TTC28: variants seen among roughly 807,000 people sequenced by gnomAD.
The protein encoded by TTC28 is tetratricopeptide repeat domain 28, also known as tetratricopeptide repeat protein 28.
A neutral mutation model predicts 198.0 loss-of-function variants in TTC28; 61 were observed. The ratio of observed to expected loss-of-function variants is 0.31; its 90% CI spans 0.25 to 0.38. The LOEUF is 0.38. TTC28 is among the 10% of genes least tolerant of loss of function. TTC28 has a pLI of 1.00. For missense variants in TTC28, 2,678 were observed against 3,164.0 expected (o/e 0.85, Z 3.69); for synonymous variants, 1,171 against 1,297.8 (o/e 0.90, Z 2.10).
chr22:27,996,588 G>A (rs549659517), intron 16 of TTC28, among the ~76,000 whole-genome samples: 7 of 152,334 alleles, frequency 4.6e-5, no homozygotes, highest in South Asian at 2.1e-4. Context: ...AGGCCTTTAG[G>A]GGGGAACACG....
chr22:28,013,512 A>G (rs1195564145), intron 14 of TTC28, among the ~76,000 whole-genome samples: 1 of 152,224 alleles, frequency 6.6e-6, no homozygotes, highest in East Asian at 1.9e-4. Flanking sequence ...GGGTGTCTTT[A>G]ACGTTAGACT....
chr22:28,493,916 T>TA (rs2048414949), intron 2 of TTC28, among the ~76,000 whole-genome samples: 2 of 152,288 alleles, frequency 1.3e-5, no homozygotes, highest in South Asian at 4.1e-4. Flanking sequence ...GAGAGAAAGA[T>TA]ATTATAAAAT....
At chr22:28,034,043 A>G (rs1332341987) in intron 12 of TTC28, among the ~76,000 whole-genome samples, 5 of 152,224 alleles carry the variant, frequency 3.3e-5, no homozygotes, top group Non-Finnish European at 7.3e-5. Context: ...GGAGAAGGGA[A>G]TGAAATATGA....
Position 28,046,295 on chromosome 22 carries a change from T to C in TTC28, c.3933-15929A>G, listed in dbSNP as rs145948988. ...ACACATCATTAGGCAATTTCATCAC[T>C]GTGTGAGCATCAGAGAGTGCAGGTG... is the stretch of plus-strand genomic sequence containing the variant. On this transcript the variant is annotated intron_variant, in intron 12 of 22. Transcript: ENST00000397906. Among the ~76,000 whole-genome samples, 415 of 152,354 alleles carry C rather than the reference T, an allele frequency of 2.7e-3. 1 individual carries two copies. Among genetic ancestry groups the C allele is most frequent in the African/African-American group, 9.4e-3 (392 of 41,574 alleles).
chr22:28,450,880 T>TCATAG (rs2047768525), intron 2 of TTC28, among the ~76,000 whole-genome samples: 1 of 152,142 alleles, frequency 6.6e-6, no homozygotes, highest in South Asian at 2.1e-4. Flanking sequence ...GCAAAACGAA[T>TCATAG]GACATGAGCC....
chr22:28,297,371 A>AT (rs372279841), intron 4 of TTC28, among the ~76,000 whole-genome samples: 5,181 of 139,672 alleles, frequency 0.037, 126 homozygotes, highest in East Asian at 0.11. Flanking sequence ...ACACCCAGCT[A>AT]TTTTTTTTTT....
intron 2 of TTC28, among the ~76,000 whole-genome samples, chr22:28,360,933 T>C (rs1601687701): frequency 6.6e-6 from 1 of 152,238 alleles, no homozygotes; most frequent in East Asian, 1.9e-4. Context: ...ATCTTTCATG[T>C]TACTATTGTA....
Position 28,018,228 on chromosome 22 carries a change from A to G in TTC28, c.4074-3836T>C, listed in dbSNP as rs148205303. Among the ~76,000 whole-genome samples, 80 of 123,448 alleles carry G rather than the reference A, an allele frequency of 6.5e-4. 1 individual carries two copies. Among genetic ancestry groups the G allele is most frequent in the African/African-American group, 2.4e-3 (76 of 31,974 alleles). The allele number at this position is 123,448 out of a possible 152,430, so 81.0% of individuals were successfully genotyped here. A position where few individuals can be genotyped will look rare whatever the true frequency, so the allele number is the denominator to read the frequency against. ...GCGGTCCTTTGAGAATACTCCTCTG[A>G]TCTGTGCTGCTATTCAGTGTGTGTG... On this transcript the variant is annotated intron_variant, in intron 13 of 22. Coordinates refer to ENST00000397906, the MANE Select transcript of TTC28 (RefSeq NM_001145418.2).
intron 2 of TTC28, among the ~76,000 whole-genome samples, chr22:28,458,963 T>A (rs187177976): frequency 7.2e-5 from 11 of 152,042 alleles, no homozygotes; most frequent in African/African-American, 2.7e-4. Context: ...GCATCATGCA[T>A]CCCAATAAAA....
At chr22:28,450,886 G>A (rs1384140487) in intron 2 of TTC28, among the ~76,000 whole-genome samples, 2 of 152,152 alleles carry the variant, frequency 1.3e-5, no homozygotes, top group East Asian at 3.8e-4. Context: ...CGAATGACAT[G>A]AGCCCTATGA....
chr22:28,239,181 C>CTCT (rs138994133), intron 5 of TTC28, among the ~76,000 whole-genome samples: 3,940 of 152,204 alleles, frequency 0.026, 195 homozygotes, highest in African/African-American at 0.091. Context: ...AGAATTTTTA[C>CTCT]TTTTCTTTCC....
At chr22:28,286,362 A>G (rs2044686403) in intron 5 of TTC28, among the ~76,000 whole-genome samples, 6 of 152,226 alleles carry the variant, frequency 3.9e-5, no homozygotes, top group Admixed American at 3.9e-4. Flanking sequence ...CAACGTAGCC[A>G]AAATATTATC....
At chr22:28,394,841 C>G (rs1258071035) in intron 2 of TTC28, among the ~76,000 whole-genome samples, 2 of 152,056 alleles carry the variant, frequency 1.3e-5, no homozygotes, top group African/African-American at 4.8e-5. Context: ...TCATATTGTC[C>G]CCAGTTGCTT....
intron 2 of TTC28, among the ~76,000 whole-genome samples, chr22:28,416,138 T>TA (rs1406453261): frequency 6.6e-6 from 1 of 152,158 alleles, no homozygotes; most frequent in East Asian, 1.9e-4. Context: ...CACTGAACTC[T>TA]AAAAAACACA....
At chr22:28,028,490 C>G (rs577440992) in intron 13 of TTC28, among the ~76,000 whole-genome samples, 1 of 152,338 alleles carries the variant, frequency 6.6e-6, no homozygotes, top group African/African-American at 2.4e-5. Context: ...TGGCTTGACC[C>G]TTTTCTTCCA....
intron 5 of TTC28, among the ~76,000 whole-genome samples, chr22:28,274,848 G>A (rs897653128): frequency 1.9e-4 from 29 of 151,994 alleles, no homozygotes; most frequent in African/African-American, 4.8e-4. Flanking sequence ...ATGTGGTAGC[G>A]CATGCCTGTA....
chr22:28,570,094 A>G (rs537121546), intron 2 of TTC28, among the ~76,000 whole-genome samples: 1 of 152,292 alleles, frequency 6.6e-6, no homozygotes, highest in East Asian at 1.9e-4. Flanking sequence ...AATGATTAAC[A>G]TAGTTAATGG....
intron 7 of TTC28, 33 bp downstream of exon 7, chr22:28,107,029 C>T (rs1409148098): frequency 2.0e-6 from 3 of 1,518,836 alleles, no homozygotes; most frequent in African/African-American, 1.4e-5. Context: ...TTTTGCAGAA[C>T]TATAAACCAC....
At chr22:28,215,664 G>T (rs1004032280) in intron 5 of TTC28, among the ~76,000 whole-genome samples, 5 of 152,198 alleles carry the variant, frequency 3.3e-5, no homozygotes, top group African/African-American at 1.2e-4. Flanking sequence ...ATGTGTTTGT[G>T]AATGTAGGTA....
Sources: gnomAD v4.1 joint callset for allele counts (sites outside exome capture counted in the v4.1 genomes callset) on GRCh38, gnomAD v4.1.1 for gene constraint, MANE v1.5 for transcripts, NCBI Gene and HGNC (gene_info 2026-07-23, HGNC 2026-07-21) for gene names.